The following SSH2 variants were observed in gnomAD, a reference collection of about 807,000 sequenced individuals.
SSH2 encodes the protein slingshot protein phosphatase 2.
SSH2 carries 37 observed loss-of-function variants against 135.2 expected under a neutral mutation model. The ratio of observed to expected loss-of-function variants is 0.27; its 90% confidence interval spans 0.21 to 0.36. SSH2 has a LOEUF of 0.36. Among genes scored for constraint, SSH2 ranks in the 10% least tolerant of loss-of-function variants. The pLI, the probability that SSH2 is intolerant of heterozygous loss-of-function variation, is 1.00. For missense variants in SSH2, 1,408 were observed against 1,765.3 expected, an observed-to-expected ratio of 0.80 and a Z score of 3.63; for synonymous variants, 628 against 646.2, an observed-to-expected ratio of 0.97 and a Z score of 0.43.
intron 11 of SSH2, among the ~76,000 whole-genome samples, chr17:29,665,433 C>T (rs1411553877): frequency 2.6e-5 from 4 of 152,200 alleles, no homozygotes; most frequent in Non-Finnish European, 5.9e-5. Flanking sequence ...GGGCACAAGC[C>T]TTCAAAGGCA....
intron 14 of SSH2, among the ~76,000 whole-genome samples, chr17:29,639,226 T>C (rs2036045131): frequency 6.6e-6 from 1 of 152,108 alleles, no homozygotes; most frequent in Admixed American, 6.5e-5. Flanking sequence ...GGAGATTTCA[T>C]TTCAAACCAC....
At chr17:29,692,803 C>T (rs1008116366) in intron 5 of SSH2, among the ~76,000 whole-genome samples, 1 of 152,188 alleles carries the variant, frequency 6.6e-6, no homozygotes, top group Admixed American at 6.6e-5. Flanking sequence ...CCTGGATCAG[C>T]AGCATCAGCA....
intron 1 of SSH2, among the ~76,000 whole-genome samples, chr17:29,886,403 TG>T (rs2066238205): frequency 6.6e-6 from 1 of 151,996 alleles, no homozygotes; most frequent in East Asian, 1.9e-4. Flanking sequence ...AGGTATCTGG[TG>T]GAAGAAATTT....
chr17:29,888,618 C>A (rs935792597), intron 1 of SSH2, among the ~76,000 whole-genome samples: 2 of 151,928 alleles, frequency 1.3e-5, no homozygotes, highest in Admixed American at 6.6e-5. Context: ...CTTAACCATA[C>A]AAACAGTAGA....
intron 2 of SSH2, among the ~76,000 whole-genome samples, chr17:29,817,891 G>C (rs2042585543): frequency 6.6e-6 from 1 of 151,960 alleles, no homozygotes; most frequent in South Asian, 2.1e-4. Flanking sequence ...CAGAGTAACT[G>C]GGACTACAGG....
intron 3 of SSH2, among the ~76,000 whole-genome samples, chr17:29,714,432 C>T (rs929501054): frequency 1.3e-5 from 2 of 152,132 alleles, no homozygotes; most frequent in Admixed American, 6.5e-5. Flanking sequence ...AGTGTCAAAC[C>T]CTGCTTTCAG....
At chr17:29,701,649 T>C (rs2038987848) in intron 4 of SSH2, among the ~76,000 whole-genome samples, 1 of 151,884 alleles carries the variant, frequency 6.6e-6, no homozygotes. Context: ...CGGCTCACTG[T>C]AACCTTCGCT....
chr17:29,921,302 A>T (rs999091316), intron 1 of SSH2, among the ~76,000 whole-genome samples: 2 of 152,220 alleles, frequency 1.3e-5, no homozygotes, highest in Non-Finnish European at 2.9e-5. Context: ...CACAGTGTCT[A>T]GTATACAGTA....
intron 1 of SSH2, among the ~76,000 whole-genome samples, chr17:29,893,319 A>G (rs1027936418): frequency 7.2e-5 from 11 of 152,068 alleles, no homozygotes; most frequent in African/African-American, 2.2e-4. Flanking sequence ...GAGAATTGCT[A>G]TAGTCTGAAT....
chr17:29,729,536 G>A (rs2040110254), intron 3 of SSH2, among the ~76,000 whole-genome samples: 1 of 152,098 alleles, frequency 6.6e-6, no homozygotes, highest in African/African-American at 2.4e-5. Context: ...CTCGTTGCTG[G>A]GCATATACCC....
intron 1 of SSH2, among the ~76,000 whole-genome samples, chr17:29,853,367 G>C (rs2065602073): frequency 6.6e-6 from 1 of 151,732 alleles, no homozygotes; most frequent in Admixed American, 6.6e-5. Context: ...TTACAGGCAT[G>C]AGCCACCGCG....
intron 4 of SSH2, among the ~76,000 whole-genome samples, chr17:29,696,929 C>T (rs1395861682): frequency 1.3e-5 from 2 of 152,004 alleles, no homozygotes; most frequent in Non-Finnish European, 2.9e-5. Context: ...TGTGATCCGC[C>T]TGCCTCGGCC....
intron 14 of SSH2, among the ~76,000 whole-genome samples, chr17:29,646,825 G>A (rs184729481): frequency 1.3e-5 from 2 of 151,956 alleles, no homozygotes; most frequent in East Asian, 3.9e-4. Flanking sequence ...AGAAAGAATT[G>A]TTTCTAGGAA....
At chr17:29,737,585 C>A (rs1250533277) in intron 3 of SSH2, among the ~76,000 whole-genome samples, 2 of 152,134 alleles carry the variant, frequency 1.3e-5, no homozygotes, top group African/African-American at 4.8e-5. Flanking sequence ...AGTTAGAAGA[C>A]CTGAATTTCA....
At chr17:29,667,252 TAAACGATA>T (rs770110856) in intron 9 of SSH2, 29 bp from the exon 10 acceptor site, 1 of 1,336,130 alleles carries the variant, frequency 7.5e-7, no homozygotes, top group South Asian at 1.2e-5. Flanking sequence ...CGATTATTCT[TAAACGATA>T]TTCTTAATAA....
At chr17:29,751,565 A>G (rs1408975465) in intron 3 of SSH2, among the ~76,000 whole-genome samples, 1 of 152,226 alleles carries the variant, frequency 6.6e-6, no homozygotes, top group Non-Finnish European at 1.5e-5. Flanking sequence ...ATTTTTATAC[A>G]ACAATGCAGG....
chr17:29,661,880 C>T (rs2037058819), intron 11 of SSH2, among the ~76,000 whole-genome samples: 1 of 152,166 alleles, frequency 6.6e-6, no homozygotes, highest in Non-Finnish European at 1.5e-5. Flanking sequence ...CTCACTGAAG[C>T]CCATACAAAG....
chr17:29,921,133 G>A (rs2066969242), intron 1 of SSH2, among the ~76,000 whole-genome samples: 1 of 152,134 alleles, frequency 6.6e-6, no homozygotes, highest in Non-Finnish European at 1.5e-5. Flanking sequence ...TAGTGATTAA[G>A]AGAAGGGGTT....
intron 15 of SSH2, among the ~76,000 whole-genome samples, chr17:29,633,876 C>G (rs1017082766): frequency 1.3e-5 from 2 of 152,206 alleles, no homozygotes; most frequent in African/African-American, 4.8e-5. Context: ...TTCCCTGGAA[C>G]TGTTCTGGTT....
Sources: gnomAD v4.1 joint callset for allele counts (sites outside exome capture counted in the v4.1 genomes callset) on GRCh38, gnomAD v4.1.1 for gene constraint, MANE v1.5 for transcripts, NCBI Gene and HGNC (gene_info 2026-07-23, HGNC 2026-07-21) for gene names.